The following ARHGAP15 variants were observed in gnomAD, a reference collection of about 807,000 sequenced individuals.
ARHGAP15 encodes rho GTPase-activating protein 15.
Under a neutral mutation model 63.7 loss-of-function variants are expected in ARHGAP15, and 51 were observed. That is an observed-to-expected ratio of 0.80 (90% CI 0.64 to 1.01). The LOEUF (loss-of-function observed/expected upper bound fraction) is 1.01, where lower values mean the gene tolerates loss of function less well. ARHGAP15 is among the 50% of genes least tolerant of loss of function. The pLI is 0.00. For synonymous variants in ARHGAP15, 191 were observed against 193.8 expected (o/e 0.99, Z 0.12); for missense variants, 560 against 564.6 (o/e 0.99, Z 0.08).
intron 6 of ARHGAP15, among the ~76,000 whole-genome samples, chr2:143,283,596 G>C (rs748835044): frequency 1.3e-5 from 2 of 152,154 alleles, no homozygotes; most frequent in Non-Finnish European, 2.9e-5. Flanking sequence ...GATGGGCTTT[G>C]CACTGCTGTC....
At position 143,227,313 on chromosome 2, in the gene ARHGAP15, CT is replaced by C. The variant is rs528877871; in HGVS notation, c.297-1261del. Among the ~76,000 whole-genome samples the C allele has an allele frequency of 8.2e-4, 125 of 152,160 alleles. 1 individual carries two copies. The highest frequency in any genetic ancestry group is 2.9e-3 in the African/African-American group (120 of 41,510). On this transcript the variant is annotated intron_variant, in intron 4 of 13. Transcript: ENST00000295095. ...TGATTTAACTACTGTCATATCAAGA[CT>C]TTTTTTCCAGGCCAAAGTTCAGTCA...
chr2:143,317,682 T>C (rs1224279164), intron 6 of ARHGAP15, among the ~76,000 whole-genome samples: 3 of 152,180 alleles, frequency 2.0e-5, no homozygotes, highest in Non-Finnish European at 4.4e-5. Context: ...TTGTACTGTA[T>C]TCTGTAGATA....
chr2:143,741,424 T>C (rs1685957982), intron 13 of ARHGAP15: 1 of 152,212 alleles, frequency 6.6e-6, no homozygotes, highest in Non-Finnish European at 1.5e-5. Flanking sequence ...TCAGCTGTTT[T>C]AGAGCTATAT....
intron 9 of ARHGAP15, among the ~76,000 whole-genome samples, chr2:143,506,503 T>A (rs1476074977): frequency 6.6e-6 from 1 of 152,184 alleles, no homozygotes; most frequent in Non-Finnish European, 1.5e-5. Flanking sequence ...CATGGACAGT[T>A]TTCTATTCAA....
chr2:143,716,295 T>C (rs543732474), intron 13 of ARHGAP15, among the ~76,000 whole-genome samples: 12 of 152,318 alleles, frequency 7.9e-5, no homozygotes, highest in African/African-American at 2.9e-4. Flanking sequence ...AGGGAATCTG[T>C]GACCACCCAT....
intron 12 of ARHGAP15, among the ~76,000 whole-genome samples, chr2:143,660,153 C>T (rs1168570770): frequency 3.9e-5 from 6 of 152,246 alleles, no homozygotes; most frequent in Non-Finnish European, 5.9e-5. Context: ...CTAACTCTTC[C>T]ACTCAAACTT....
At chr2:143,429,628 A>G (rs1689296038) in intron 6 of ARHGAP15, among the ~76,000 whole-genome samples, 3 of 152,118 alleles carry the variant, frequency 2.0e-5, no homozygotes, top group South Asian at 2.1e-4. Flanking sequence ...AACATATCCA[A>G]TAAGCGTCTG....
chr2:143,583,341 AG>A (rs1696984173), intron 11 of ARHGAP15, among the ~76,000 whole-genome samples: 1 of 152,206 alleles, frequency 6.6e-6, no homozygotes, highest in South Asian at 2.1e-4. Context: ...TGTTCCTGCA[AG>A]ATGTATTAGT....
At chr2:143,477,676 A>G (rs35648663) in intron 8 of ARHGAP15, among the ~76,000 whole-genome samples, 40,082 of 152,002 alleles carry the variant, frequency 0.26, 6,075 homozygotes, top group East Asian at 0.69. Context: ...TTATTCAAAA[A>G]AGAAAGAATG....
chr2:143,319,441 C>T (rs1184900876), intron 6 of ARHGAP15, among the ~76,000 whole-genome samples: 2 of 152,044 alleles, frequency 1.3e-5, no homozygotes, highest in Non-Finnish European at 2.9e-5. Flanking sequence ...AGGCTGGTCT[C>T]GAACTCCTGA....
rs888139760 is a variant in ARHGAP15, at chr2:143,605,070, G to A, written c.1004-19063G>A. Among the ~76,000 whole-genome samples, 4 of 152,164 alleles carry A rather than the reference G, an allele frequency of 2.6e-5. No homozygotes were observed. The East Asian group carries it at 5.8e-4, about 22-fold the overall frequency. ...ATTACAGATATGCACCACCATGCCT[G>A]GCTAAGTTTTGTATTTTTAGTAGAG... On this transcript the variant is annotated intron_variant, in intron 11 of 13. Coordinates refer to ENST00000295095, the MANE Select transcript of ARHGAP15 (RefSeq NM_018460.4).
chr2:143,262,137 A>T (rs1680753694), intron 6 of ARHGAP15, among the ~76,000 whole-genome samples: 1 of 152,188 alleles, frequency 6.6e-6, no homozygotes. Flanking sequence ...AAGGAGTTGA[A>T]GTCCACACAG....
Position 143,339,156 on chromosome 2 carries a change from G to A in ARHGAP15, c.474+88556G>A, listed in dbSNP as rs1399477488. ...AATATTTAATTAAAGAGCAGGAAAGGGCCTGTTGTTTTTGTTGCTGTGGTT... is the reference window on the plus strand; with the variant it reads ...AATATTTAATTAAAGAGCAGGAAAGAGCCTGTTGTTTTTGTTGCTGTGGTT... On this transcript the variant is annotated intron_variant, in intron 6 of 13. Transcript: ENST00000295095. Among the ~76,000 whole-genome samples the A allele has an allele frequency of 2.0e-5, 3 of 152,046 alleles. No homozygotes were observed. The East Asian group carries it at 5.8e-4, about 29-fold the overall frequency.
intron 9 of ARHGAP15, among the ~76,000 whole-genome samples, chr2:143,490,137 C>CTACA (rs1418098597): frequency 6.6e-6 from 1 of 151,924 alleles, no homozygotes. Flanking sequence ...GTAGCTGGGA[C>CTACA]TACAGGTGCC....
At chr2:143,149,437 G>A in intron 1 of ARHGAP15, among the ~76,000 whole-genome samples, 1 of 151,752 alleles carries the variant, frequency 6.6e-6, no homozygotes, top group East Asian at 1.9e-4. Context: ...CCTTCTTTTA[G>A]GGAAAAATAT....
At chr2:143,236,156 C>T (rs1311525163) in intron 5 of ARHGAP15, 1 of 603,654 alleles carries the variant, frequency 1.7e-6, no homozygotes, top group Non-Finnish European at 2.6e-6. Flanking sequence ...TTTGTTTTTA[C>T]ATTAGGGGCA....
At chr2:143,372,539 A>G (rs1300660865) in intron 6 of ARHGAP15, among the ~76,000 whole-genome samples, 6 of 152,112 alleles carry the variant, frequency 3.9e-5, no homozygotes, top group Non-Finnish European at 5.9e-5. Flanking sequence ...GTATTCATAA[A>G]TTTATATATA....
intron 6 of ARHGAP15, among the ~76,000 whole-genome samples, chr2:143,324,427 C>T (rs950673386): frequency 6.6e-6 from 1 of 152,104 alleles, no homozygotes; most frequent in Non-Finnish European, 1.5e-5. Context: ...GGTGGGCTGC[C>T]ACCAACATAG....
At chr2:143,190,712 T>G (rs1230619678) in intron 2 of ARHGAP15, among the ~76,000 whole-genome samples, 1 of 152,252 alleles carries the variant, frequency 6.6e-6, no homozygotes, top group Non-Finnish European at 1.5e-5. Flanking sequence ...CATATCTTCA[T>G]GGTACCAGGC....
Sources: allele counts gnomAD v4.1 joint callset (sites outside exome capture counted in the v4.1 genomes callset), GRCh38; gene constraint gnomAD v4.1.1; transcripts MANE v1.5; gene names NCBI Gene and HGNC (gene_info 2026-07-23, HGNC 2026-07-21).